The following KCTD7 variants were observed in gnomAD, a reference collection of about 807,000 sequenced individuals.
KCTD7 encodes BTB/POZ domain-containing protein KCTD7.
KCTD7 carries 15 observed loss-of-function variants against 27.0 expected under a neutral mutation model. The observed-to-expected ratio is 0.56, with a 90% CI of 0.37 to 0.86. The LOEUF is 0.86. Among genes scored for constraint, KCTD7 ranks in the 40% least tolerant of loss-of-function variants. The pLI, the probability that KCTD7 is intolerant of heterozygous loss-of-function variation, is 0.00. For missense variants in KCTD7, 299 were observed against 398.9 expected (o/e 0.75, Z 2.13); for synonymous variants, 159 against 162.7 (o/e 0.98, Z 0.17).
chr7:66,640,417 T>C lies in KCTD7; in HGVS notation c.*1185T>C, dbSNP rs1430622008. On this transcript the variant is annotated 3_prime_UTR_variant, in exon 4 of 4. Transcript: ENST00000639828. ...AGAAATTGAAAAAGATCCCCAAGGA[T>C]CTGTTACTACTGCATTTCCTTCTTG... The C allele has an allele frequency of 2.0e-6, 3 of 1,537,360 alleles. No individual in the cohort carries two copies. The South Asian group carries it at 3.6e-5, about 18-fold the overall frequency.
At position 66,638,313 on chromosome 7, in the gene KCTD7, G is replaced by T. The variant is rs761672292; in HGVS notation, c.375G>T (p.Val125=). The T allele has an allele frequency of 6.2e-7, 1 of 1,614,252 alleles. No homozygotes were observed. Among genetic ancestry groups the T allele is most frequent in the Admixed American group, 1.7e-5 (1 of 60,032 alleles). Residue 125 remains valine (V), a synonymous_variant, in exon 3 of 4, where the codon GTG becomes GTT. Coordinates refer to ENST00000639828, the MANE Select transcript of KCTD7 (RefSeq NM_153033.5). ...DLPPRERVRA[V]YKEAQYYAIG... ...CACCCAGGGAGCGTGTTCGAGCTGT[G>T]TACAAAGAGGCCCAGTACTATGCCA...
chr7:66,628,959 G>A lies in KCTD7; in HGVS notation c.-106G>A. 4.9e-6 allele frequency: 6 copies of A among 1,226,550 alleles called. No homozygotes were observed. Among genetic ancestry groups the A allele is most frequent in the South Asian group, 3.4e-5 (2 of 58,100 alleles). The allele number at this position is 1,226,550 out of a possible 1,614,324, so 76.0% of individuals were successfully genotyped here. A position where few individuals can be genotyped will look rare whatever the true frequency, so the allele number is the denominator to read the frequency against. On this transcript the variant is annotated 5_prime_UTR_variant, in exon 1 of 4. Transcript: ENST00000639828. ...ACTGCCTCTCGCCCCCCTCCGGCCA[G>A]CCCGCAGCCGGCCGCGTCATGCCAG... is the stretch of plus-strand genomic sequence containing the variant.
chr7:66,639,401 A>AC lies in KCTD7; in HGVS notation c.*170dup. On this transcript the variant is annotated 3_prime_UTR_variant, in exon 4 of 4. Transcript: ENST00000639828. The stretch of plus-strand genomic sequence containing the variant: ...CAGAGGTGTAGCTCCAATCTCCCTG[A>AC]CTGCACCTCAGGGTTGGGCTCAGGG... The AC allele has an allele frequency of 6.6e-7, 1 of 1,506,422 alleles. No homozygotes were observed. Among genetic ancestry groups the AC allele is most frequent in the Non-Finnish European group, 8.8e-7 (1 of 1,130,338 alleles). The allele number at this position is 1,506,422 out of a possible 1,614,324, so 93.3% of individuals were successfully genotyped here. A position where few individuals can be genotyped will look rare whatever the true frequency, so the allele number is the denominator to read the frequency against.
At position 66,642,069 on chromosome 7, in the gene KCTD7, G is replaced by A. The variant is rs1786731447; in HGVS notation, c.*2837G>A. 1.0e-6 allele frequency: 1 copy of A among 985,422 alleles called. No homozygotes were observed. The highest frequency in any genetic ancestry group is 1.2e-6 in the Non-Finnish European group (1 of 829,940). The allele number at this position is 985,422 out of a possible 1,614,324, so 61.0% of individuals were successfully genotyped here. A position where few individuals can be genotyped will look rare whatever the true frequency, so the allele number is the denominator to read the frequency against. On this transcript the variant is annotated 3_prime_UTR_variant, in exon 4 of 4. Coordinates refer to ENST00000639828, the MANE Select transcript of KCTD7 (RefSeq NM_153033.5). ...GTAGTTATCAGTGAGTCAAAGCAAA[G>A]TGAAAGTTTCAGGAGATGGGACCAA... is the stretch of plus-strand genomic sequence containing the variant.
At position 66,642,594 on chromosome 7, in the gene KCTD7, C is replaced by T; in HGVS notation, c.*3362C>T. The T allele has an allele frequency of 7.1e-6, 7 of 985,352 alleles. No homozygotes were observed. The highest frequency in any genetic ancestry group is 9.4e-5 in the South Asian group (2 of 21,290). 61.0% of individuals were successfully genotyped at this position (985,352 alleles called of 1,614,324 possible). ...ATCCTAGTAATATTTCAAATATTGT[C>T]CTTCTGCATATGTTCTATCCATATT... On this transcript the variant is annotated 3_prime_UTR_variant, in exon 4 of 4. Coordinates refer to ENST00000639828, the MANE Select transcript of KCTD7 (RefSeq NM_153033.5).
At chr7:66,632,885 A>ATATATAT (rs1554397723) in intron 1 of KCTD7, among the ~76,000 whole-genome samples, 1 of 149,448 alleles carries the variant, frequency 6.7e-6, no homozygotes, top group African/African-American at 2.5e-5. Flanking sequence ...CTACTAAAAA[A>ATATATAT]ATATATATAT....
chr7:66,638,518 G>A (rs886648324), intron 3 of KCTD7, 87 bp downstream of exon 3: 2 of 1,368,222 alleles, frequency 1.5e-6, no homozygotes, highest in African/African-American at 2.8e-5. Flanking sequence ...CAGAACACCG[G>A]GGGCAGCATT....
downstream of KCTD7, chr7:66,643,194 A>G: frequency 1.0e-6 from 1 of 985,450 alleles, no homozygotes; most frequent in Non-Finnish European, 1.2e-6. Flanking sequence ...CCCTGAGACC[A>G]GCAGCTGAAT....
Position 66,642,329 on chromosome 7 carries a change from G to A in KCTD7, c.*3097G>A. ...GAAAGCAGTCAGCTGTACTCTGGAA[G>A]TTTCTGTTCTTCTTTCCTGGGGCTT... On this transcript the variant is annotated 3_prime_UTR_variant, in exon 4 of 4. Transcript: ENST00000639828. The A allele has an allele frequency of 1.0e-6, 1 of 985,478 alleles. No individual in the cohort carries two copies. Among genetic ancestry groups the A allele is most frequent in the African/African-American group, 1.7e-5 (1 of 57,370 alleles). The allele number at this position is 985,478 out of a possible 1,614,324, so 61.0% of individuals were successfully genotyped here.
intron 1 of KCTD7, 26 bp downstream of exon 1, chr7:66,629,234 G>T: frequency 7.6e-7 from 1 of 1,316,634 alleles, no homozygotes; most frequent in Non-Finnish European, 9.7e-7. Flanking sequence ...GCGGGCCGCG[G>T]GGCGTGGGGA....
At position 66,639,391 on chromosome 7, in the gene KCTD7, A is replaced by G. The variant is rs947639717; in HGVS notation, c.*159A>G. ...TCCCAGGGGACAGAGGTGTAGCTCC[A>G]ATCTCCCTGACTGCACCTCAGGGTT... On this transcript the variant is annotated 3_prime_UTR_variant, in exon 4 of 4. Transcript: ENST00000639828. The G allele has an allele frequency of 2.0e-6, 3 of 1,517,256 alleles. No individual in the cohort carries two copies. The highest frequency in any genetic ancestry group is 2.6e-6 in the Non-Finnish European group (3 of 1,136,036). The allele number at this position is 1,517,256 out of a possible 1,614,324, so 94.0% of individuals were successfully genotyped here.
chr7:66,629,852 G>T (rs980096868), intron 1 of KCTD7, among the ~76,000 whole-genome samples: 1 of 152,190 alleles, frequency 6.6e-6, no homozygotes, highest in African/African-American at 2.4e-5. Flanking sequence ...ATAGATGTAG[G>T]CACGGTCACC....
chr7:66,640,586 TC>T lies in KCTD7; in HGVS notation c.*1356del, dbSNP rs1786693145. 1.4e-6 allele frequency: 2 copies of T among 1,406,464 alleles called. No individual in the cohort carries two copies. Among genetic ancestry groups the T allele is most frequent in the South Asian group, 1.7e-5 (1 of 59,442 alleles). The allele number at this position is 1,406,464 out of a possible 1,614,324, so 87.1% of individuals were successfully genotyped here. A position where few individuals can be genotyped will look rare whatever the true frequency, so the allele number is the denominator to read the frequency against. On this transcript the variant is annotated 3_prime_UTR_variant, in exon 4 of 4. Transcript: ENST00000639828. The stretch of plus-strand genomic sequence containing the variant: ...TCTAATCATGATTGTACCTGTCTCT[TC>T]CTGGGTAAAGGGAGATTTTTTTTTT...
Position 66,628,884 on chromosome 7 carries a change from T to A in KCTD7, c.-181T>A, listed in dbSNP as rs886062407. On this transcript the variant is annotated 5_prime_UTR_variant, in exon 1 of 4. Coordinates refer to ENST00000639828, the MANE Select transcript of KCTD7 (RefSeq NM_153033.5). ...GGAGGCGGTCGGGTCAGGCCCCAGCTGGGCGCGAGCGGGTCGGCGTTGAGG... is the reference window on the plus strand; with the variant it reads ...GGAGGCGGTCGGGTCAGGCCCCAGCAGGGCGCGAGCGGGTCGGCGTTGAGG... 4 of 488,210 alleles carry A rather than the reference T, an allele frequency of 8.2e-6. No individual in the cohort carries two copies. Among genetic ancestry groups the A allele is most frequent in the Non-Finnish European group, 1.3e-5 (4 of 303,200 alleles). The allele number at this position is 488,210 out of a possible 1,614,324, so 30.2% of individuals were successfully genotyped here.
intron 2 of KCTD7, among the ~76,000 whole-genome samples, chr7:66,635,380 C>G (rs941362370): frequency 3.3e-5 from 5 of 152,174 alleles, no homozygotes; most frequent in Non-Finnish European, 7.3e-5. Flanking sequence ...TTCTGACAGT[C>G]TTACATGTAA....
intron 1 of KCTD7, among the ~76,000 whole-genome samples, chr7:66,632,451 A>C (rs1224007823): frequency 3.4e-5 from 5 of 148,978 alleles, no homozygotes; most frequent in Admixed American, 2.0e-4. Context: ...CGCGCCACTG[A>C]ACTCCAGCCT....
chr7:66,629,905 G>A (rs1786408875), intron 1 of KCTD7, among the ~76,000 whole-genome samples: 1 of 152,166 alleles, frequency 6.6e-6, no homozygotes, highest in Non-Finnish European at 1.5e-5. Flanking sequence ...GTGCTCTGGT[G>A]CACAGGGGCT....
At position 66,639,413 on chromosome 7, in the gene KCTD7, G is replaced by C; in HGVS notation, c.*181G>C. 2 of 1,494,534 alleles carry C rather than the reference G, an allele frequency of 1.3e-6. No homozygotes were observed. Among genetic ancestry groups the C allele is most frequent in the South Asian group, 1.3e-5 (1 of 77,326 alleles). 92.6% of individuals were successfully genotyped at this position (1,494,534 alleles called of 1,614,324 possible). A position where few individuals can be genotyped will look rare whatever the true frequency, so the allele number is the denominator to read the frequency against. On this transcript the variant is annotated 3_prime_UTR_variant, in exon 4 of 4. Transcript: ENST00000639828. ...TCCAATCTCCCTGACTGCACCTCAG[G>C]GTTGGGCTCAGGGCTTGCGGCCTGC...
At position 66,642,154 on chromosome 7, in the gene KCTD7, CA is replaced by C; in HGVS notation, c.*2929del. 1 of 985,242 alleles carries C rather than the reference CA, an allele frequency of 1.0e-6. No individual in the cohort carries two copies. The highest frequency in any genetic ancestry group is 1.2e-6 in the Non-Finnish European group (1 of 829,872). 61.0% of individuals were successfully genotyped at this position (985,242 alleles called of 1,614,324 possible). A position where few individuals can be genotyped will look rare whatever the true frequency, so the allele number is the denominator to read the frequency against. ...AATAAAAAAGCTAATGTTATAGCAA[CA>C]AAAAAAGACTGAAGCAAAACCACAC... On this transcript the variant is annotated 3_prime_UTR_variant, in exon 4 of 4. Coordinates refer to ENST00000639828, the MANE Select transcript of KCTD7 (RefSeq NM_153033.5).
Sources: allele counts gnomAD v4.1 joint callset (sites outside exome capture counted in the v4.1 genomes callset), GRCh38; gene constraint gnomAD v4.1.1; transcripts MANE v1.5; gene names NCBI Gene and HGNC (gene_info 2026-07-23, HGNC 2026-07-21).